EPS15L1: variants seen among roughly 807,000 people sequenced by gnomAD.
The protein encoded by EPS15L1 is epidermal growth factor receptor pathway substrate 15 like 1.
Under a neutral mutation model 117.1 loss-of-function variants are expected in EPS15L1, and 43 were observed. The observed-to-expected ratio is 0.37, with a 90% CI of 0.29 to 0.47. The LOEUF (loss-of-function observed/expected upper bound fraction) is 0.47. Ranked by LOEUF, EPS15L1 falls within the 20% of genes least tolerant of loss-of-function variation. The pLI, the probability that EPS15L1 is intolerant of heterozygous loss-of-function variation, is 0.99. For synonymous variants in EPS15L1, 459 were observed against 470.5 expected, an observed-to-expected ratio of 0.98 and a Z score of 0.32; for missense variants, 981 against 1,164.0, an observed-to-expected ratio of 0.84 and a Z score of 2.29.
intron 1 of EPS15L1, among the ~76,000 whole-genome samples, chr19:16,452,112 C>A (rs1196343531): frequency 1.3e-5 from 2 of 151,318 alleles, no homozygotes; most frequent in Non-Finnish European, 1.5e-5. Flanking sequence ...GCACTCCAGC[C>A]TGGGCTACAG....
At chr19:16,388,224 G>T (rs1474964064) in intron 19 of EPS15L1, among the ~76,000 whole-genome samples, 1 of 152,154 alleles carries the variant, frequency 6.6e-6, no homozygotes, top group Admixed American at 6.5e-5. Flanking sequence ...TGTATTAGTA[G>T]AGACGGGGTT....
intron 7 of EPS15L1, among the ~76,000 whole-genome samples, chr19:16,433,425 C>A (rs2092948771): frequency 6.6e-6 from 1 of 152,158 alleles, no homozygotes; most frequent in Admixed American, 6.5e-5. Flanking sequence ...AGCCACCGCA[C>A]CAGGCTAAGA....
intron 22 of EPS15L1, among the ~76,000 whole-genome samples, chr19:16,376,369 G>A (rs563684392): frequency 4.6e-5 from 7 of 152,322 alleles, no homozygotes; most frequent in Admixed American, 2.6e-4. Flanking sequence ...ACTGGCCGCC[G>A]GCCTAACTCT....
chr19:16,448,569 C>A (rs896293734), intron 1 of EPS15L1, among the ~76,000 whole-genome samples: 3 of 144,020 alleles, frequency 2.1e-5, no homozygotes, highest in Non-Finnish European at 4.5e-5. Context: ...AAAGGCCGGG[C>A]GCGGTGGCTC....
Position 16,441,915 on chromosome 19 carries a change from G to T in EPS15L1, c.142C>A (p.Leu48Ile). 2 of 1,613,936 alleles carry T rather than the reference G, an allele frequency of 1.2e-6. No individual in the cohort carries two copies. Among genetic ancestry groups the T allele is most frequent in the Non-Finnish European group, 1.7e-6 (2 of 1,179,870 alleles). The change falls in exon 3 of 24, where the codon CTC (leucine) becomes ATC (isoleucine). Residue 48 changes from leucine (L) to isoleucine (I), a missense_variant. This residue lies in a region of EPS15L1 where 62 missense variants were observed against 104.2 expected (regional missense o/e 0.59). Coordinates refer to ENST00000455140, the MANE Select transcript of EPS15L1 (RefSeq NM_001258374.3). ...EAALFLKKSG[L>I]SDIILGKIWD... The stretch of plus-strand genomic sequence containing the variant: ...ACCTTCCCAAGGATAATGTCCGAGA[G>T]GCCAGACTTCTTTAGAAAAAGCGCA...
chr19:16,402,219 T>G, intron 16 of EPS15L1, 102 bp downstream of exon 16: 1 of 1,481,118 alleles, frequency 6.8e-7, no homozygotes, highest in South Asian at 1.4e-5. Flanking sequence ...TGCACTTGGC[T>G]GGAACCAACG....
intron 1 of EPS15L1, among the ~76,000 whole-genome samples, chr19:16,447,762 G>GAA (rs1212859844): frequency 1.5e-5 from 2 of 135,302 alleles, no homozygotes; most frequent in African/African-American, 2.7e-5. Context: ...TTCATCTTCG[G>GAA]AAAAAAAAAA....
chr19:16,437,065 C>CT (rs747856329), intron 5 of EPS15L1, 66 bp from the exon 6 acceptor site: 14 of 1,414,350 alleles, frequency 9.9e-6, no homozygotes, highest in Non-Finnish European at 1.3e-5. Flanking sequence ...GGTGGGTTTG[C>CT]TGAAAAGGAT....
chr19:16,385,651 T>C (rs1203036425), intron 20 of EPS15L1, among the ~76,000 whole-genome samples: 1 of 152,190 alleles, frequency 6.6e-6, no homozygotes, highest in African/African-American at 2.4e-5. Flanking sequence ...CACTCGCCTA[T>C]GATACCAAAC....
At chr19:16,410,474 T>C (rs2092696580) in intron 13 of EPS15L1, among the ~76,000 whole-genome samples, 2 of 152,234 alleles carry the variant, frequency 1.3e-5, no homozygotes, top group South Asian at 2.1e-4. Context: ...ACAGTTACCA[T>C]GTGGCCCAGC....
chr19:16,361,425 A>T (rs2092049225), intron 23 of EPS15L1, among the ~76,000 whole-genome samples: 1 of 152,012 alleles, frequency 6.6e-6, no homozygotes, highest in Admixed American at 6.6e-5. Context: ...TTCTTTTCAT[A>T]CTTCGGAAGT....
intron 1 of EPS15L1, among the ~76,000 whole-genome samples, chr19:16,444,709 A>T (rs2093066510): frequency 6.6e-6 from 1 of 151,732 alleles, no homozygotes; most frequent in African/African-American, 2.4e-5. Context: ...TCTGGATCTG[A>T]AGCACATTTC....
intron 1 of EPS15L1, among the ~76,000 whole-genome samples, chr19:16,443,234 C>T (rs780004137): frequency 6.6e-6 from 1 of 150,722 alleles, no homozygotes; most frequent in East Asian, 1.9e-4. Flanking sequence ...GAAAAGAGGA[C>T]TATCTTGGGG....
Position 16,440,909 on chromosome 19 carries a change from T to C in EPS15L1, c.166A>G (p.Ile56Val), listed in dbSNP as rs369849069. 8.7e-6 allele frequency: 14 copies of C among 1,614,018 alleles called. No individual in the cohort carries two copies. Among genetic ancestry groups the C allele is most frequent in the Non-Finnish European group, 1.2e-5 (14 of 1,180,008 alleles). Reference protein sequence around the residue: ...SGLSDIILGKIWDLADPEGKG... With the variant: ...SGLSDIILGKVWDLADPEGKG... ...CCTTCTGGATCGGCCAAGTCCCATA[T>C]CTGCGGAAACACAAAAATGCTCATA... Residue 56 changes from isoleucine to valine, a missense_variant and splice_region_variant, in exon 4 of 24, where the codon ATA becomes GTA. By Grantham distance (29) the Ile-to-Val change is conservative. This residue lies in a region of EPS15L1 where 62 missense variants were observed against 104.2 expected (regional missense o/e 0.59). Coordinates refer to ENST00000455140, the MANE Select transcript of EPS15L1 (RefSeq NM_001258374.3).
chr19:16,459,233 A>G (rs1380550428), intron 1 of EPS15L1, among the ~76,000 whole-genome samples: 1 of 152,208 alleles, frequency 6.6e-6, no homozygotes, highest in Non-Finnish European at 1.5e-5. Flanking sequence ...CTGCAGGCCA[A>G]CGCCCTGCTC....
intron 5 of EPS15L1, 140 bp downstream of exon 5, chr19:16,437,630 C>T (rs1288255555): frequency 6.2e-6 from 4 of 641,244 alleles, no homozygotes; most frequent in Non-Finnish European, 1.1e-5. Context: ...TATTAATTTT[C>T]TATTATGTGA....
chr19:16,451,903 C>T (rs566032253), intron 1 of EPS15L1, among the ~76,000 whole-genome samples: 115 of 149,788 alleles, frequency 7.7e-4, no homozygotes, highest in African/African-American at 2.1e-3. Context: ...TTTGGGAGGT[C>T]GAGGCAGGCA....
chr19:16,439,420 G>A (rs897407399), intron 4 of EPS15L1, among the ~76,000 whole-genome samples: 3 of 152,236 alleles, frequency 2.0e-5, no homozygotes, highest in East Asian at 3.9e-4. Flanking sequence ...GGCCGGGCAC[G>A]GTGGCTCATG....
intron 19 of EPS15L1, among the ~76,000 whole-genome samples, chr19:16,388,805 C>A (rs2092448092): frequency 6.6e-6 from 1 of 152,016 alleles, no homozygotes; most frequent in African/African-American, 2.4e-5. Context: ...CCAGCCTGGG[C>A]AACAGAGCAA....
Sources: allele counts gnomAD v4.1 joint callset (sites outside exome capture counted in the v4.1 genomes callset), GRCh38; gene constraint gnomAD v4.1.1; regional missense constraint gnomAD v4.1.1; transcripts MANE v1.5; gene names NCBI Gene and HGNC (gene_info 2026-07-23, HGNC 2026-07-21).